The following ADAMTS2 variants were observed in gnomAD, a reference collection of about 807,000 sequenced individuals.
ADAMTS2 encodes the protein A disintegrin and metalloproteinase with thrombospondin motifs 2.
ADAMTS2 carries 50 observed loss-of-function variants against 123.0 expected under a neutral mutation model. The ratio of observed to expected loss-of-function variants is 0.41; its 90% confidence interval spans 0.32 to 0.51. ADAMTS2 has a LOEUF of 0.51. Among genes scored for constraint, ADAMTS2 ranks in the 20% least tolerant of loss-of-function variants. The pLI, the probability that ADAMTS2 is intolerant of heterozygous loss-of-function variation, is 0.35. For missense variants in ADAMTS2, 1,494 were observed against 1,705.2 expected (o/e 0.88, Z 2.18); for synonymous variants, 678 against 695.4 (o/e 0.98, Z 0.39).
chr5:179,114,797 T>G (rs1762629650), intron 21 of ADAMTS2, among the ~76,000 whole-genome samples: 1 of 152,168 alleles, frequency 6.6e-6, no homozygotes, highest in South Asian at 2.1e-4. Flanking sequence ...AAGAGCCAAT[T>G]CCTAAGACCC....
At chr5:179,233,024 C>A (rs1214290824) in intron 3 of ADAMTS2, among the ~76,000 whole-genome samples, 1 of 152,182 alleles carries the variant, frequency 6.6e-6, no homozygotes, top group Non-Finnish European at 1.5e-5. Flanking sequence ...GGCGTTCACC[C>A]TTCAAACTCA....
rs560279528 is a variant in ADAMTS2 at position 179,303,323 on chromosome 5, G to T, written c.535-30259C>A. On this transcript the variant is annotated intron_variant, in intron 2 of 21. Transcript: ENST00000251582. The surrounding 1 kb of genome is among the most constrained non-coding windows in gnomAD (Gnocchi z 4.7). ...GGTTCAGGTTCCAGTAGGATGGTGT[G>T]AGCACGCCTCACCTGCATCCCCCAC... Among the ~76,000 whole-genome samples, 1 of 152,284 alleles carries T rather than the reference G, an allele frequency of 6.6e-6. No homozygotes were observed. Among genetic ancestry groups the T allele is most frequent in the African/African-American group, 2.4e-5 (1 of 41,556 alleles).
rs77231735 is a variant in ADAMTS2 at position 179,170,859 on chromosome 5, G to A, written c.975+10213C>T. On this transcript the variant is annotated intron_variant, in intron 5 of 21. Coordinates refer to ENST00000251582, the MANE Select transcript of ADAMTS2 (RefSeq NM_014244.5). The surrounding 1 kb of genome is among the most constrained non-coding windows in gnomAD (Gnocchi z 4.3). Reference sequence around the variant, plus strand: ...GGAAGCCAGAGGCTCTGGGCTGGCCGGATGCTTTGGGGGCACAAGGATACA... The same window carrying A: ...GGAAGCCAGAGGCTCTGGGCTGGCCAGATGCTTTGGGGGCACAAGGATACA... Among the ~76,000 whole-genome samples, 106 of 152,220 alleles carry A rather than the reference G, an allele frequency of 7.0e-4. 1 individual carries two copies. The East Asian group carries it at 0.017, about 25-fold the overall frequency.
rs1281439518 is a variant in ADAMTS2, at chr5:179,281,207, T to C, written c.535-8143A>G. On this transcript the variant is annotated intron_variant, in intron 2 of 21. Coordinates refer to ENST00000251582, the MANE Select transcript of ADAMTS2 (RefSeq NM_014244.5). ...CAGCTTTATGGTGCTGTGATTACCA[T>C]ACCATACATCTCAGCCATCTAAACT... Among the ~76,000 whole-genome samples the C allele has an allele frequency of 2.0e-5, 3 of 152,232 alleles. No individual in the cohort carries two copies. In the South Asian group the frequency reaches 6.2e-4, roughly 32 times the overall value.
intron 2 of ADAMTS2, among the ~76,000 whole-genome samples, chr5:179,341,555 A>G (rs201508013): frequency 6.6e-6 from 1 of 150,390 alleles, no homozygotes; most frequent in Non-Finnish European, 1.5e-5. Flanking sequence ...AAAAAAAAAT[A>G]AAAAAAAATT....
intron 5 of ADAMTS2, among the ~76,000 whole-genome samples, chr5:179,168,551 T>C (rs1233526131): frequency 6.6e-6 from 1 of 152,230 alleles, no homozygotes; most frequent in Admixed American, 6.5e-5. Context: ...ACGGTGCCTG[T>C]CCCAGAAGAA....
Position 179,332,761 on chromosome 5 carries a change from G to A in ADAMTS2, c.534+11006C>T, listed in dbSNP as rs919896471. Among the ~76,000 whole-genome samples, 1 of 151,980 alleles carries A rather than the reference G, an allele frequency of 6.6e-6. No individual in the cohort carries two copies. The highest frequency in any genetic ancestry group is 2.4e-5 in the African/African-American group (1 of 41,382). On this transcript the variant is annotated intron_variant, in intron 2 of 21. Coordinates refer to ENST00000251582, the MANE Select transcript of ADAMTS2 (RefSeq NM_014244.5). The surrounding 1 kb of genome is among the most constrained non-coding windows in gnomAD (Gnocchi z 4.2). Reference sequence around the variant, plus strand: ...GGAGGAGTGCAGAGAGGAAGGGAGGGGAAGGAAGGGAAGGAGAGGAGACCA... The same window carrying A: ...GGAGGAGTGCAGAGAGGAAGGGAGGAGAAGGAAGGGAAGGAGAGGAGACCA...
intron 3 of ADAMTS2, among the ~76,000 whole-genome samples, chr5:179,271,920 GCC>G (rs1766546868): frequency 6.6e-6 from 1 of 152,222 alleles, no homozygotes; most frequent in Non-Finnish European, 1.5e-5. Context: ...GGCTGGCCCA[GCC>G]CAGGCCCCTG....
chr5:179,114,871 C>G (rs1293651662), intron 21 of ADAMTS2, among the ~76,000 whole-genome samples: 1 of 152,240 alleles, frequency 6.6e-6, no homozygotes, highest in Non-Finnish European at 1.5e-5. Context: ...ATGTTGCTCC[C>G]ATTCTGACCC....
In ADAMTS2 at chr5:179,115,686, G is replaced by A. The variant is rs367879119; in HGVS notation, c.3179-1362C>T. ...GGGAGGGAGGGACAAAAGGAAGAAA[G>A]GGAGGAGGAAAGGGAGGGAGAAAGG... On this transcript the variant is annotated intron_variant, in intron 21 of 21. Coordinates refer to ENST00000251582, the MANE Select transcript of ADAMTS2 (RefSeq NM_014244.5). This position sits in a 1 kb window ranked among gnomAD's most constrained non-coding sequence, Gnocchi z 4.4. Among the ~76,000 whole-genome samples the A allele has an allele frequency of 2.0e-5, 3 of 152,232 alleles. No homozygotes were observed. The South Asian group carries it at 6.2e-4, about 32-fold the overall frequency.
chr5:179,243,305 T>TA (rs1208241950), intron 3 of ADAMTS2, among the ~76,000 whole-genome samples: 1 of 152,114 alleles, frequency 6.6e-6, no homozygotes, highest in Admixed American at 6.5e-5. Context: ...TTGAAAATAA[T>TA]AGAGCAATCA....
rs1310036352 is a variant in ADAMTS2 at position 179,332,900 on chromosome 5, G to A, written c.534+10867C>T. ...CAGGTCTGCAGGATCAGTGCTCAAC[G>A]CCCATGGAGCTCCAGGTGGCCGCCA... On this transcript the variant is annotated intron_variant, in intron 2 of 21. Transcript: ENST00000251582. This position sits in a 1 kb window ranked among gnomAD's most constrained non-coding sequence, Gnocchi z 4.2. 6.6e-6 allele frequency among the ~76,000 whole-genome samples: 1 copy of A among 152,136 alleles called. No homozygotes were observed. The highest frequency in any genetic ancestry group is 1.5e-5 in the Non-Finnish European group (1 of 68,016).
chr5:179,313,070 G>A (rs1383459744), intron 2 of ADAMTS2, among the ~76,000 whole-genome samples: 1 of 152,178 alleles, frequency 6.6e-6, no homozygotes, highest in Non-Finnish European at 1.5e-5. Flanking sequence ...ATCGAAACCC[G>A]ATACATCAAG....
At chr5:179,277,319 ACACC>A (rs1766726615) in intron 2 of ADAMTS2, among the ~76,000 whole-genome samples, 1 of 62,604 alleles carries the variant, frequency 1.6e-5, no homozygotes, top group Non-Finnish European at 2.7e-5. Flanking sequence ...CCAAAGGCTG[ACACC>A]CCGAGACCAA....
intron 2 of ADAMTS2, among the ~76,000 whole-genome samples, chr5:179,315,626 C>A (rs1170891662): frequency 6.6e-6 from 1 of 152,202 alleles, no homozygotes; most frequent in African/African-American, 2.4e-5. Flanking sequence ...TCTAGAGACG[C>A]CGTACCCAGG....
intron 3 of ADAMTS2, among the ~76,000 whole-genome samples, chr5:179,244,790 G>A (rs769107855): frequency 5.3e-5 from 8 of 152,136 alleles, no homozygotes; most frequent in Non-Finnish European, 1.0e-4. Flanking sequence ...CACCAGATGG[G>A]AACTTGAATC....
At chr5:179,126,417 C>T (rs1050604695) in intron 17 of ADAMTS2, among the ~76,000 whole-genome samples, 1 of 152,232 alleles carries the variant, frequency 6.6e-6, no homozygotes, top group Admixed American at 6.5e-5. Context: ...TACTGCTAGG[C>T]ACCGCTTCTA....
chr5:179,206,274 C>G (rs1581189125), intron 4 of ADAMTS2, among the ~76,000 whole-genome samples: 1 of 152,304 alleles, frequency 6.6e-6, no homozygotes, highest in African/African-American at 2.4e-5. Context: ...TCAGCTCACT[C>G]ACATCCCCTC....
At chr5:179,257,287 G>A (rs1250947317) in intron 3 of ADAMTS2, among the ~76,000 whole-genome samples, 40 of 152,230 alleles carry the variant, frequency 2.6e-4, no homozygotes, top group Admixed American at 2.4e-3. Context: ...GGCACCTGAC[G>A]TTCTGGACAC....
Sources: gnomAD v4.1 joint callset for allele counts (sites outside exome capture counted in the v4.1 genomes callset) on GRCh38, gnomAD v4.1.1 for gene constraint, Gnocchi (gnomAD v3.1) non-coding constraint, MANE v1.5 for transcripts, NCBI Gene and HGNC (gene_info 2026-07-23, HGNC 2026-07-21) for gene names.